Variants in PDE1C observed in about 807,000 individuals in gnomAD.
PDE1C encodes the protein phosphodiesterase 1C.
Under a neutral mutation model 93.1 loss-of-function variants are expected in PDE1C, and 62 were observed. The observed-to-expected ratio is 0.67, with a 90% CI of 0.54 to 0.82. The LOEUF is 0.82. PDE1C is among the 40% of genes least tolerant of loss of function. The pLI is 0.00. For missense variants in PDE1C, 742 were observed against 884.6 expected (o/e 0.84, Z 2.04); for synonymous variants, 325 against 310.1 (o/e 1.05, Z -0.50).
At chr7:32,343,685 C>T (rs949856370) in intron 1 of PDE1C, among the ~76,000 whole-genome samples, 18 of 152,148 alleles carry the variant, frequency 1.2e-4, no homozygotes, top group African/African-American at 3.9e-4. Context: ...AACATAGTTC[C>T]TCATTTATGG....
chr7:32,135,246 G>A (rs1335058204), intron 3 of PDE1C, among the ~76,000 whole-genome samples: 1 of 152,182 alleles, frequency 6.6e-6, no homozygotes, highest in Non-Finnish European at 1.5e-5. Flanking sequence ...CCTATAGGAT[G>A]TTGGCAAGAA....
chr7:32,251,860 C>T (rs912954137), intron 1 of PDE1C, among the ~76,000 whole-genome samples: 22 of 152,138 alleles, frequency 1.4e-4, no homozygotes, highest in African/African-American at 5.1e-4. Flanking sequence ...GCCATCAGCC[C>T]AGGGTGTCAC....
intron 1 of PDE1C, among the ~76,000 whole-genome samples, chr7:32,423,384 A>C (rs1785469337): frequency 6.6e-6 from 1 of 152,170 alleles, no homozygotes. Context: ...ATCAAAAAAC[A>C]AATAAAAAAT....
intron 2 of PDE1C, among the ~76,000 whole-genome samples, chr7:31,963,425 T>C (rs529351195): frequency 6.6e-5 from 10 of 152,338 alleles, no homozygotes; most frequent in African/African-American, 2.4e-4. Flanking sequence ...ATGGACTATT[T>C]CCCAGTTTAT....
intron 2 of PDE1C, among the ~76,000 whole-genome samples, chr7:32,012,213 T>TGGCCTCTAGTGAG (rs144594611): frequency 6.6e-6 from 1 of 152,210 alleles, no homozygotes; most frequent in Non-Finnish European, 1.5e-5. Flanking sequence ...AACACTGGCT[T>TGGCCTCTAGTGAG]GGCCTCTAGT....
intron 1 of PDE1C, among the ~76,000 whole-genome samples, chr7:32,322,608 T>A (rs1414722191): frequency 1.1e-5 from 1 of 93,834 alleles, no homozygotes; most frequent in African/African-American, 2.9e-5. Flanking sequence ...CATCTCTATT[T>A]TTTTCTTTTT....
At chr7:32,223,408 A>C (rs889295364) in intron 1 of PDE1C, among the ~76,000 whole-genome samples, 1 of 152,182 alleles carries the variant, frequency 6.6e-6, no homozygotes, top group Admixed American at 6.5e-5. Flanking sequence ...ACTGAGGCAC[A>C]GGGAAGTTAG....
At chr7:31,648,761 A>C in the PDE1C span, among the ~76,000 whole-genome samples, 16 of 152,190 alleles carry the variant, frequency 1.1e-4, no homozygotes, top group Admixed American at 1.0e-3. Context: ...AGCTACTAGA[A>C]CCACTCAAAC....
In PDE1C at chr7:31,837,546, G is replaced by C. The variant is rs111752009; in HGVS notation, c.1083-246C>G. On this transcript the variant is annotated intron_variant, in intron 10 of 17. Coordinates refer to ENST00000396191, the MANE Select transcript of PDE1C (RefSeq NM_001191057.4). ...CTGGAATGACTGCATCCTTCAAAAA[G>C]AGAGCAAGAATCCAAGAGTCACTGA... 1.0e-3 allele frequency among the ~76,000 whole-genome samples: 157 copies of C among 152,302 alleles called. 1 individual carries two copies. The highest frequency in any genetic ancestry group is 2.0e-3 in the Admixed American group (31 of 15,296).
upstream of PDE1C, among the ~76,000 whole-genome samples, chr7:32,076,340 A>G (rs556379064): frequency 2.0e-5 from 3 of 152,226 alleles, no homozygotes; most frequent in Admixed American, 6.5e-5. Context: ...GAGAGAATAT[A>G]CCAGAAAAAT....
In PDE1C at chr7:32,415,452, A is replaced by AAAAT. The variant is rs1344040902; in HGVS notation, c.310+12366_310+12369dup. Among the ~76,000 whole-genome samples the AAAAT allele has an allele frequency of 2.0e-4, 31 of 152,330 alleles. 1 individual carries two copies. In the Middle Eastern group the frequency reaches 0.017, roughly 84 times the overall value. On this transcript the variant is annotated intron_variant, in intron 1 of 1. Coordinates refer to the PDE1C transcript ENST00000672256. Reference sequence around the variant, plus strand: ...GGCAACAGAGCAAGACTCCGTCTCAAAAATAAATAAATAAATAATGTTTTT... The same window carrying AAAAT: ...GGCAACAGAGCAAGACTCCGTCTCAAAAATAAATAAATAAATAAATAATGTTTTT...
chr7:31,929,194 G>T (rs1418342072), intron 2 of PDE1C, among the ~76,000 whole-genome samples: 1 of 151,890 alleles, frequency 6.6e-6, no homozygotes, highest in Non-Finnish European at 1.5e-5. Context: ...ACAAAAAAGG[G>T]CATTACATAA....
intron 1 of PDE1C, among the ~76,000 whole-genome samples, chr7:32,361,968 G>T (rs1033344903): frequency 1.1e-4 from 17 of 152,220 alleles, no homozygotes; most frequent in African/African-American, 4.1e-4. Flanking sequence ...AGAGGCTGGA[G>T]CTGCAAAGAT....
chr7:31,651,272 A>G, the PDE1C span: 1 of 1,612,466 alleles, frequency 6.2e-7, no homozygotes, highest in African/African-American at 1.3e-5. Flanking sequence ...GAGGAAAGGT[A>G]ATTACCTAAG....
the PDE1C span, among the ~76,000 whole-genome samples, chr7:31,739,623 C>G: frequency 6.6e-6 from 1 of 152,144 alleles, no homozygotes; most frequent in Non-Finnish European, 1.5e-5. Context: ...AGCCATGGAG[C>G]TACAGAATAA....
intron 1 of PDE1C, among the ~76,000 whole-genome samples, chr7:32,384,607 A>C (rs1488023339): frequency 6.6e-6 from 1 of 152,186 alleles, no homozygotes; most frequent in Admixed American, 6.5e-5. Flanking sequence ...AGTCAGATGC[A>C]AGGAGTGGAG....
chr7:32,312,277 C>T (rs1319960920), intron 1 of PDE1C, among the ~76,000 whole-genome samples: 2 of 152,034 alleles, frequency 1.3e-5, no homozygotes, highest in Non-Finnish European at 2.9e-5. Flanking sequence ...AATGGAAGAA[C>T]ATTCCATGCT....
chr7:31,841,227 C>CTCTCTATA (rs751320538), intron 9 of PDE1C, among the ~76,000 whole-genome samples: 1,741 of 142,256 alleles, frequency 0.012, 9 homozygotes, highest in Middle Eastern at 0.025. Flanking sequence ...CTCTCTCTCT[C>CTCTCTATA]TATATATATA....
intron 3 of PDE1C, among the ~76,000 whole-genome samples, chr7:32,086,586 G>A (rs1037049281): frequency 3.6e-4 from 55 of 151,886 alleles, no homozygotes; most frequent in African/African-American, 1.1e-3. Flanking sequence ...GAGGCATCAC[G>A]CTACCTGACT....
Sources: gnomAD v4.1 joint callset for allele counts (sites outside exome capture counted in the v4.1 genomes callset) on GRCh38, gnomAD v4.1.1 for gene constraint, MANE v1.5 for transcripts, NCBI Gene and HGNC (gene_info 2026-07-23, HGNC 2026-07-21) for gene names.